Variants in KCNN2 observed in about 807,000 individuals in gnomAD.
KCNN2 encodes small conductance calcium-activated potassium channel protein 2.
Under a neutral mutation model 55.5 loss-of-function variants are expected in KCNN2, and 24 were observed. That is an observed-to-expected ratio of 0.43 (90% CI 0.31 to 0.61). The LOEUF (loss-of-function observed/expected upper bound fraction) is 0.61. Ranked by LOEUF, KCNN2 falls within the 20% of genes least tolerant of loss-of-function variation. The pLI is 0.08. For synonymous variants in KCNN2, 431 were observed against 336.1 expected, an observed-to-expected ratio of 1.28 and a Z score of -3.09; for missense variants, 754 against 853.6, an observed-to-expected ratio of 0.88 and a Z score of 1.45.
intron 4 of KCNN2, among the ~76,000 whole-genome samples, chr5:114,467,851 C>T (rs1296031984): frequency 6.6e-6 from 1 of 152,168 alleles, no homozygotes; most frequent in East Asian, 1.9e-4. Flanking sequence ...AGCTGCCCTT[C>T]CTATCTCTGA....
chr5:114,274,685 T>C (rs1378371756), intron 2 of KCNN2, among the ~76,000 whole-genome samples: 2 of 152,228 alleles, frequency 1.3e-5, no homozygotes, highest in Non-Finnish European at 2.9e-5. Context: ...ACATTGATTT[T>C]GTATCCTGAG....
chr5:114,184,507 G>C (rs1420790968), intron 1 of KCNN2, among the ~76,000 whole-genome samples: 3 of 152,136 alleles, frequency 2.0e-5, no homozygotes, highest in African/African-American at 7.2e-5. Flanking sequence ...AGAAAAGTTT[G>C]TCATGCTTAT....
rs549981772 is a variant in KCNN2, at chr5:114,198,270, T to C, written c.-270-23210T>C. 2.0e-5 allele frequency among the ~76,000 whole-genome samples: 3 copies of C among 151,022 alleles called. No individual in the cohort carries two copies. In the East Asian group the frequency reaches 5.8e-4, roughly 29 times the overall value. On this transcript the variant is annotated intron_variant, in intron 1 of 10. Coordinates refer to the KCNN2 transcript ENST00000512097. ...TATGGCTGAGTAGTATTCCATTATA[T>C]ATATATATATGTTAAAAATAATGGC...
At chr5:114,164,943 G>T (rs888386022) in intron 1 of KCNN2, among the ~76,000 whole-genome samples, 1 of 152,100 alleles carries the variant, frequency 6.6e-6, no homozygotes, top group African/African-American at 2.4e-5. Flanking sequence ...TTAACTTAAC[G>T]TTCCTAATGA....
At chr5:114,311,492 T>C (rs1003036354) in intron 2 of KCNN2, among the ~76,000 whole-genome samples, 1 of 152,166 alleles carries the variant, frequency 6.6e-6, no homozygotes, top group African/African-American at 2.4e-5. Context: ...GAAATTATAA[T>C]TCTCCTTTTA....
At chr5:114,450,578 C>A (rs531004952) in intron 3 of KCNN2, among the ~76,000 whole-genome samples, 1 of 152,144 alleles carries the variant, frequency 6.6e-6, no homozygotes, top group African/African-American at 2.4e-5. Context: ...TCTCTTCAGG[C>A]GTTTTTGCCA....
At chr5:114,101,784 T>C (rs924427689) in intron 1 of KCNN2, among the ~76,000 whole-genome samples, 2 of 152,162 alleles carry the variant, frequency 1.3e-5, no homozygotes, top group Non-Finnish European at 2.9e-5. Flanking sequence ...TATGGCTGCG[T>C]AGTTTTCCGT....
intron 3 of KCNN2, among the ~76,000 whole-genome samples, chr5:114,441,377 T>C (rs1006571526): frequency 6.6e-6 from 1 of 152,188 alleles, no homozygotes; most frequent in African/African-American, 2.4e-5. Context: ...TAAAGATACA[T>C]TCCCTTCCAG....
intron 2 of KCNN2, among the ~76,000 whole-genome samples, chr5:114,388,034 A>C (rs1201624910): frequency 6.6e-6 from 1 of 152,220 alleles, no homozygotes. Flanking sequence ...ACTAAATAGA[A>C]TCGTATTTCT....
chr5:114,452,544 T>A (rs1458227184), intron 3 of KCNN2, among the ~76,000 whole-genome samples: 1 of 152,224 alleles, frequency 6.6e-6, no homozygotes, highest in African/African-American at 2.4e-5. Context: ...ATGTTCACCA[T>A]GTTATTGAAT....
chr5:114,264,524 A>G (rs969766774), intron 2 of KCNN2, among the ~76,000 whole-genome samples: 1 of 152,216 alleles, frequency 6.6e-6, no homozygotes, highest in African/African-American at 2.4e-5. Context: ...CTTCTTCCCT[A>G]TTGAGAGCAC....
At chr5:114,415,530 A>G (rs1343969182) in intron 3 of KCNN2, among the ~76,000 whole-genome samples, 2 of 152,212 alleles carry the variant, frequency 1.3e-5, no homozygotes, top group Non-Finnish European at 2.9e-5. Context: ...GTGTATATAA[A>G]CATACAGAAA....
intron 1 of KCNN2, among the ~76,000 whole-genome samples, chr5:114,127,560 C>T (rs529579755): frequency 2.0e-5 from 3 of 152,276 alleles, no homozygotes; most frequent in Non-Finnish European, 4.4e-5. Context: ...ATTTTTTCCT[C>T]CTAGGCCTCT....
chr5:114,429,098 A>G (rs917974184), intron 3 of KCNN2, among the ~76,000 whole-genome samples: 25 of 152,216 alleles, frequency 1.6e-4, no homozygotes, highest in Admixed American at 1.5e-3. Context: ...AGCATGATTG[A>G]TGGATCATAT....
At chr5:114,405,876 AATTTTTTGT>A (rs1190206820) in intron 3 of KCNN2, among the ~76,000 whole-genome samples, 1 of 151,556 alleles carries the variant, frequency 6.6e-6, no homozygotes, top group African/African-American at 2.4e-5. Context: ...ATACCTGGCT[AATTTTTTGT>A]ATTTTTAGTA....
intron 3 of KCNN2, among the ~76,000 whole-genome samples, chr5:114,460,042 C>G (rs1047215151): frequency 6.6e-6 from 1 of 152,128 alleles, no homozygotes; most frequent in Non-Finnish European, 1.5e-5. Context: ...CTCTGAAAAA[C>G]ATTTTTAATA....
chr5:114,155,168 T>C (rs1306183054), intron 1 of KCNN2, among the ~76,000 whole-genome samples: 2 of 152,148 alleles, frequency 1.3e-5, no homozygotes, highest in Non-Finnish European at 2.9e-5. Context: ...GTTATTTCGC[T>C]AAAGATAATG....
chr5:114,454,941 G>C (rs531715210), intron 3 of KCNN2, among the ~76,000 whole-genome samples: 1 of 152,108 alleles, frequency 6.6e-6, no homozygotes, highest in African/African-American at 2.4e-5. Flanking sequence ...TTACAGATAC[G>C]CTTATGTAAA....
chr5:114,457,887 C>T lies in KCNN2; in HGVS notation c.1638-5162C>T, dbSNP rs528870260. On this transcript the variant is annotated intron_variant, in intron 3 of 7. Transcript: ENST00000673685. ...TCTCAAGAATCACTGTCCTTTGTTG[C>T]TAGATAACCAATGTCTTGATAACCA... Among the ~76,000 whole-genome samples, 6 of 152,316 alleles carry T rather than the reference C, an allele frequency of 3.9e-5. No individual in the cohort carries two copies. In the East Asian group the frequency reaches 1.2e-3, roughly 29 times the overall value.
Sources: gnomAD v4.1 joint callset for allele counts (sites outside exome capture counted in the v4.1 genomes callset) on GRCh38, gnomAD v4.1.1 for gene constraint, MANE v1.5 for transcripts, NCBI Gene and HGNC (gene_info 2026-07-23, HGNC 2026-07-21) for gene names.